Variants in PALLD observed in about 807,000 individuals in gnomAD.
The protein encoded by PALLD is palladin, cytoskeletal associated protein, also known as palladin.
A neutral mutation model predicts 123.5 loss-of-function variants in PALLD; 61 were observed. The ratio of observed to expected loss-of-function variants is 0.49; its 90% CI spans 0.40 to 0.61. The LOEUF (loss-of-function observed/expected upper bound fraction) is 0.61. Ranked by LOEUF, PALLD falls within the 20% of genes least tolerant of loss-of-function variation. The probability of loss-of-function intolerance (pLI) is 0.00; values close to 1 mark genes in which losing one functional copy is unlikely to be tolerated. For synonymous variants in PALLD, 465 were observed against 496.4 expected, an observed-to-expected ratio of 0.94 and a Z score of 0.84; for missense variants, 1,273 against 1,377.0, an observed-to-expected ratio of 0.92 and a Z score of 1.20.
chr4:168,805,684 C>T (rs945664140), intron 10 of PALLD, among the ~76,000 whole-genome samples: 7 of 152,118 alleles, frequency 4.6e-5, no homozygotes, highest in African/African-American at 9.7e-5. Flanking sequence ...AAGAAGCCCC[C>T]GACTCCCCTG....
At chr4:168,761,333 C>T (rs1732796338) in intron 10 of PALLD, among the ~76,000 whole-genome samples, 1 of 152,104 alleles carries the variant, frequency 6.6e-6, no homozygotes, top group South Asian at 2.1e-4. Context: ...TAGGGCTACT[C>T]TGGAGTCTCT....
chr4:168,534,466 G>A (rs977220328), intron 2 of PALLD, among the ~76,000 whole-genome samples: 2 of 152,194 alleles, frequency 1.3e-5, no homozygotes, highest in Non-Finnish European at 2.9e-5. Flanking sequence ...ACAGAAGAAA[G>A]TGTTAATCAT....
At chr4:168,847,794 C>T (rs1010745453) in intron 10 of PALLD, among the ~76,000 whole-genome samples, 11 of 152,012 alleles carry the variant, frequency 7.2e-5, no homozygotes, top group Non-Finnish European at 1.3e-4. Flanking sequence ...AAGCACTTAT[C>T]CTTTGTATTA....
intron 10 of PALLD, among the ~76,000 whole-genome samples, chr4:168,726,067 A>G (rs1298573179): frequency 6.6e-6 from 1 of 152,244 alleles, no homozygotes; most frequent in African/African-American, 2.4e-5. Context: ...AGGATTACTC[A>G]TGATGAAGCA....
intron 10 of PALLD, among the ~76,000 whole-genome samples, chr4:168,786,056 G>A (rs1218834876): frequency 4.0e-5 from 6 of 151,760 alleles, no homozygotes; most frequent in South Asian, 2.1e-4. Context: ...TCGGCCGGGC[G>A]CAGTGGCTCA....
At chr4:168,526,261 A>G (rs1345893077) in intron 2 of PALLD, among the ~76,000 whole-genome samples, 1 of 152,046 alleles carries the variant, frequency 6.6e-6, no homozygotes, top group Non-Finnish European at 1.5e-5. Flanking sequence ...CAAGTTCTGT[A>G]TTGTTGCATA....
chr4:168,788,889 G>C (rs1737122737), intron 10 of PALLD, among the ~76,000 whole-genome samples: 1 of 152,006 alleles, frequency 6.6e-6, no homozygotes, highest in Non-Finnish European at 1.5e-5. Flanking sequence ...AGTAAAGCAT[G>C]ATTAATACAT....
chr4:168,621,609 A>T (rs551986678), intron 2 of PALLD, among the ~76,000 whole-genome samples: 17 of 152,360 alleles, frequency 1.1e-4, no homozygotes, highest in Non-Finnish European at 2.4e-4. Context: ...TGTAAAGACC[A>T]TATTACCATA....
At chr4:168,641,204 T>A in intron 2 of PALLD, among the ~76,000 whole-genome samples, 1 of 133,676 alleles carries the variant, frequency 7.5e-6, no homozygotes, top group Non-Finnish European at 1.6e-5. Flanking sequence ...CGAGACTCCA[T>A]CTCAAAAAAA....
intron 8 of PALLD, among the ~76,000 whole-genome samples, chr4:168,698,012 A>G (rs1561413586): frequency 6.6e-6 from 1 of 152,340 alleles, no homozygotes; most frequent in South Asian, 2.1e-4. Flanking sequence ...TGTGGTACAT[A>G]TACTCGATGG....
At chr4:168,855,128 G>A (rs919582112) in intron 10 of PALLD, among the ~76,000 whole-genome samples, 1 of 118,668 alleles carries the variant, frequency 8.4e-6, no homozygotes, top group Non-Finnish European at 1.6e-5. Context: ...GTCTCACTCT[G>A]TTGCCAGGCT....
At position 168,707,765 on chromosome 4, in the gene PALLD, C is replaced by T. The variant is rs150196275; in HGVS notation, c.1502-1263C>T. 6.0e-3 allele frequency among the ~76,000 whole-genome samples: 918 copies of T among 152,272 alleles called. 12 individuals carry two copies. The highest frequency in any genetic ancestry group is 0.02 in the African/African-American group (833 of 41,556). On this transcript the variant is annotated intron_variant, in intron 8 of 21. Transcript: ENST00000505667. ...TTATTACTAAGAAATGTACAATACA[C>T]GGTCTTATGCTACCCCCAAAATTTG... is the stretch of plus-strand genomic sequence containing the variant.
At chr4:168,781,422 C>T (rs1735907448) in intron 10 of PALLD, among the ~76,000 whole-genome samples, 1 of 152,198 alleles carries the variant, frequency 6.6e-6, no homozygotes, top group South Asian at 2.1e-4. Context: ...AGCACTGGCA[C>T]ATAGAGCACA....
chr4:168,761,255 T>C (rs548169046), intron 10 of PALLD, among the ~76,000 whole-genome samples: 1 of 152,192 alleles, frequency 6.6e-6, no homozygotes, highest in South Asian at 2.1e-4. Context: ...AAAGCCTCTG[T>C]CTTTGGCTCA....
chr4:168,875,409 A>C (rs146434545), intron 10 of PALLD, among the ~76,000 whole-genome samples: 26 of 152,354 alleles, frequency 1.7e-4, no homozygotes, highest in African/African-American at 6.3e-4. Context: ...ATCACAGTCC[A>C]GATATGAAAT....
At chr4:168,829,796 C>G (rs142911713) in intron 10 of PALLD, among the ~76,000 whole-genome samples, 1 of 152,294 alleles carries the variant, frequency 6.6e-6, no homozygotes, top group African/African-American at 2.4e-5. Context: ...TTAGAATAGG[C>G]AAAGTGATTT....
intron 2 of PALLD, among the ~76,000 whole-genome samples, chr4:168,581,530 G>C (rs572549895): frequency 6.6e-6 from 1 of 151,856 alleles, no homozygotes; most frequent in Non-Finnish European, 1.5e-5. Flanking sequence ...GTATTTGTTG[G>C]CCATTTGTTT....
intron 1 of PALLD, among the ~76,000 whole-genome samples, chr4:168,507,888 C>G (rs758153852): frequency 1.3e-5 from 2 of 152,176 alleles, no homozygotes; most frequent in Non-Finnish European, 2.9e-5. Flanking sequence ...AGTAGAATTA[C>G]CTGAGTCTGC....
chr4:168,848,552 G>A (rs1747258296), intron 10 of PALLD, among the ~76,000 whole-genome samples: 1 of 152,184 alleles, frequency 6.6e-6, no homozygotes, highest in African/African-American at 2.4e-5. Context: ...GGCACACTCA[G>A]TACATGAAGG....
Sources: allele counts gnomAD v4.1 joint callset (sites outside exome capture counted in the v4.1 genomes callset), GRCh38; gene constraint gnomAD v4.1.1; transcripts MANE v1.5; gene names NCBI Gene and HGNC (gene_info 2026-07-23, HGNC 2026-07-21).